Variants in TMEM132B observed in about 807,000 individuals in gnomAD.
The protein encoded by TMEM132B is transmembrane protein 132B.
In TMEM132B, 18 loss-of-function variants were observed where a neutral mutation model predicts 90.8. That is an observed-to-expected ratio of 0.20 (90% CI 0.14 to 0.29). The LOEUF (loss-of-function observed/expected upper bound fraction) is 0.29, where lower values mean the gene tolerates loss of function less well. Among genes scored for constraint, TMEM132B ranks in the 10% least tolerant of loss-of-function variants. The pLI is 1.00. For synonymous variants in TMEM132B, 504 were observed against 523.3 expected, an observed-to-expected ratio of 0.96 and a Z score of 0.50; for missense variants, 1,096 against 1,326.8, an observed-to-expected ratio of 0.83 and a Z score of 2.70.
chr12:125,517,347 TTTTTTTTTTTTTTTTTTTGCA>T (rs1883190112), intron 3 of TMEM132B, among the ~76,000 whole-genome samples: 2 of 80,118 alleles, frequency 2.5e-5, no homozygotes, highest in African/African-American at 4.6e-5. Flanking sequence ...TTTTTTTTTT[TTTTTTTTTTTTTTTTTTTGCA>T]TTTTTAGTAG....
intron 2 of TMEM132B, among the ~76,000 whole-genome samples, chr12:125,401,050 A>G (rs769829887): frequency 6.6e-5 from 10 of 152,084 alleles, no homozygotes; most frequent in Admixed American, 1.3e-4. Flanking sequence ...TGATTCTGAT[A>G]TGCTTGAAAG....
chr12:125,629,088 C>T (rs772822972), intron 5 of TMEM132B, among the ~76,000 whole-genome samples: 3 of 151,994 alleles, frequency 2.0e-5, no homozygotes, highest in Non-Finnish European at 4.4e-5. Context: ...AATGTGATTC[C>T]TCCAGTTTTG....
chr12:125,514,915 T>G (rs931880125), intron 3 of TMEM132B, among the ~76,000 whole-genome samples: 3 of 152,200 alleles, frequency 2.0e-5, no homozygotes, highest in African/African-American at 7.2e-5. Flanking sequence ...ACGACTGAGC[T>G]GCAGCCACAC....
rs1422096163 is a variant in TMEM132B, at chr12:125,246,297, A to G, written c.67+59431A>G. On this transcript the variant is annotated intron_variant, in intron 1 of 8. Transcript: ENST00000682704. The surrounding 1 kb of genome is among the most constrained non-coding windows in gnomAD (Gnocchi z 4.2). ...CCCTCCTTTCCCCGCCTTCCCTGCC[A>G]CAGGGAACTCAAGCCGGTTTGGAGT... 1.3e-5 allele frequency among the ~76,000 whole-genome samples: 2 copies of G among 152,224 alleles called. No homozygotes were observed. Among genetic ancestry groups the G allele is most frequent in the Non-Finnish European group, 2.9e-5 (2 of 68,038 alleles).
chr12:125,577,555 TATAA>T (rs1884967801), intron 4 of TMEM132B, among the ~76,000 whole-genome samples: 1 of 150,008 alleles, frequency 6.7e-6, no homozygotes, highest in East Asian at 1.9e-4. Flanking sequence ...CAATATTTAA[TATAA>T]ATAATGTGAT....
intron 2 of TMEM132B, among the ~76,000 whole-genome samples, chr12:125,376,155 A>G (rs1878473270): frequency 6.6e-6 from 1 of 152,214 alleles, no homozygotes; most frequent in Admixed American, 6.5e-5. Context: ...GTTTTAAATG[A>G]GAGCCCACAT....
rs573707852 is a variant in TMEM132B, at chr12:125,490,741, C to T, written c.1107-28698C>T. On this transcript the variant is annotated intron_variant, in intron 3 of 8. Transcript: ENST00000682704. The surrounding 1 kb of genome is among the most constrained non-coding windows in gnomAD (Gnocchi z 4.2). ...TTGGCCTCCCAAAGTGCTGGGATTA[C>T]AGGTGTGAGCCACCGCGCCCGGCCA... 6.6e-6 allele frequency among the ~76,000 whole-genome samples: 1 copy of T among 152,338 alleles called. No homozygotes were observed. Among genetic ancestry groups the T allele is most frequent in the East Asian group, 1.9e-4 (1 of 5,194 alleles).
intron 1 of TMEM132B, among the ~76,000 whole-genome samples, chr12:125,319,505 A>G (rs2136188490): frequency 6.6e-6 from 1 of 152,334 alleles, no homozygotes; most frequent in East Asian, 1.9e-4. Context: ...GCTGCCCTTC[A>G]TGTGGCTGCA....
chr12:125,512,160 C>A (rs2136634673), intron 3 of TMEM132B, among the ~76,000 whole-genome samples: 1 of 152,300 alleles, frequency 6.6e-6, no homozygotes. Flanking sequence ...CAAATGTCCG[C>A]AGGGACTTGG....
chr12:125,544,282 T>C (rs1450942700), intron 4 of TMEM132B, among the ~76,000 whole-genome samples: 1 of 152,180 alleles, frequency 6.6e-6, no homozygotes, highest in African/African-American at 2.4e-5. Context: ...CAAACCACCA[T>C]GACACACATT....
intron 5 of TMEM132B, among the ~76,000 whole-genome samples, chr12:125,617,582 T>A (rs925787982): frequency 6.6e-6 from 1 of 152,122 alleles, no homozygotes; most frequent in African/African-American, 2.4e-5. Flanking sequence ...CGACCTCAGG[T>A]GATCCACCCC....
chr12:125,364,518 A>G (rs1009000366), intron 2 of TMEM132B, among the ~76,000 whole-genome samples: 3 of 152,106 alleles, frequency 2.0e-5, no homozygotes, highest in African/African-American at 7.2e-5. Context: ...ATAGCTTAGT[A>G]TGTACATTAT....
chr12:125,586,757 C>T (rs933859099), intron 5 of TMEM132B: 2 of 151,950 alleles, frequency 1.3e-5, no homozygotes, highest in Non-Finnish European at 1.5e-5. Flanking sequence ...ACAAATGACC[C>T]CAAAGTATAA....
chr12:125,627,759 T>A (rs1370323872), intron 5 of TMEM132B, among the ~76,000 whole-genome samples: 1 of 152,012 alleles, frequency 6.6e-6, no homozygotes, highest in Admixed American at 6.6e-5. Flanking sequence ...AAATACTAGG[T>A]TTTATTCTTT....
chr12:125,561,082 T>C (rs1251251123), intron 4 of TMEM132B, among the ~76,000 whole-genome samples: 4 of 152,172 alleles, frequency 2.6e-5, no homozygotes, highest in East Asian at 1.9e-4. Flanking sequence ...CATATGTTTA[T>C]TGCGGCACTA....
At chr12:125,434,682 C>T (rs763246282) in intron 3 of TMEM132B, among the ~76,000 whole-genome samples, 2 of 152,240 alleles carry the variant, frequency 1.3e-5, no homozygotes, top group Admixed American at 6.5e-5. Flanking sequence ...ACTGCCAGTT[C>T]TCCCTTGCCC....
intron 1 of TMEM132B, among the ~76,000 whole-genome samples, chr12:125,300,706 A>T (rs925413559): frequency 2.6e-5 from 4 of 152,202 alleles, no homozygotes; most frequent in African/African-American, 9.7e-5. Flanking sequence ...CTCATTTTAT[A>T]GATAAGGCAA....
chr12:125,411,364 G>A (rs1330023843), intron 2 of TMEM132B, among the ~76,000 whole-genome samples: 1 of 110,960 alleles, frequency 9.0e-6, no homozygotes, highest in African/African-American at 3.0e-5. Flanking sequence ...CTGTCAGAGG[G>A]TGGGGGGGGG....
At chr12:125,267,088 G>A (rs1277922712) in intron 1 of TMEM132B, among the ~76,000 whole-genome samples, 4 of 152,192 alleles carry the variant, frequency 2.6e-5, no homozygotes, top group East Asian at 1.9e-4. Flanking sequence ...TGTGGCAAGC[G>A]CTGTATCATG....
Sources: allele counts gnomAD v4.1 joint callset (sites outside exome capture counted in the v4.1 genomes callset), GRCh38; gene constraint gnomAD v4.1.1; non-coding constraint Gnocchi (gnomAD v3.1); transcripts MANE v1.5; gene names NCBI Gene and HGNC (gene_info 2026-07-23, HGNC 2026-07-21).